ILDR1: variants seen among roughly 807,000 people sequenced by gnomAD.
ILDR1 encodes immunoglobulin like domain containing receptor 1, also known as immunoglobulin-like domain-containing receptor 1.
In ILDR1, 56 loss-of-function variants were observed where a neutral mutation model predicts 62.4. The ratio of observed to expected loss-of-function variants is 0.90; its 90% CI spans 0.72 to 1.12. The LOEUF (loss-of-function observed/expected upper bound fraction) is 1.12, where lower values mean the gene tolerates loss of function less well. Ranked by LOEUF, ILDR1 falls within the 50% of genes most tolerant of loss-of-function variation. ILDR1 has a pLI of 0.00. For synonymous variants in ILDR1, 284 were observed against 277.8 expected, an observed-to-expected ratio of 1.02 and a Z score of -0.22; for missense variants, 736 against 710.6, an observed-to-expected ratio of 1.04 and a Z score of -0.41.
the ILDR1 span, among the ~76,000 whole-genome samples, chr3:122,030,623 TTC>T: frequency 4.9e-4 from 72 of 147,234 alleles, no homozygotes; most frequent in Admixed American, 6.1e-4. Flanking sequence ...GCAAGGGTTT[TTC>T]TCTCTCTCTC....
chr3:122,001,286 C>G, intron 5 of ILDR1, 22 bp downstream of exon 5: 2 of 1,614,122 alleles, frequency 1.2e-6, no homozygotes, highest in Non-Finnish European at 1.7e-6. Context: ...CTCCATTCCA[C>G]TGCTTGTCTG....
At chr3:121,996,164 G>A (rs2071432840) in intron 5 of ILDR1, among the ~76,000 whole-genome samples, 2 of 152,158 alleles carry the variant, frequency 1.3e-5, no homozygotes, top group South Asian at 4.1e-4. Flanking sequence ...TCTTCCAGAT[G>A]GTCCTATTCC....
intron 1 of ILDR1, among the ~76,000 whole-genome samples, chr3:122,021,701 G>T (rs1349898287): frequency 6.6e-6 from 1 of 152,232 alleles, no homozygotes; most frequent in African/African-American, 2.4e-5. Flanking sequence ...GAATTTTAAA[G>T]AACGGTGCTT....
At chr3:122,029,511 A>AAAAAAATAT in the ILDR1 span, among the ~76,000 whole-genome samples, 35 of 139,500 alleles carry the variant, frequency 2.5e-4, no homozygotes, top group African/African-American at 9.6e-4. Context: ...GTCTAAAAAA[A>AAAAAAATAT]ATATATATAT....
chr3:122,011,509 T>C (rs1253201204), intron 1 of ILDR1, among the ~76,000 whole-genome samples: 1 of 152,176 alleles, frequency 6.6e-6, no homozygotes. Context: ...ATTTCATCCC[T>C]GTGTGAATAT....
In ILDR1 at chr3:122,022,209, G is replaced by C; in HGVS notation, c.-132C>G. The C allele has an allele frequency of 2.6e-6, 2 of 782,746 alleles. No homozygotes were observed. Among genetic ancestry groups the C allele is most frequent in the East Asian group, 3.0e-5 (1 of 33,886 alleles). The allele number at this position is 782,746 out of a possible 1,614,324, so 48.5% of individuals were successfully genotyped here. ...GTTTCCCCTCCCTCGGCGCAGCGGG[G>C]AGGGAGCGTCCGCTCTGGTCCCGGG... On this transcript the variant is annotated 5_prime_UTR_variant, in exon 1 of 8. Transcript: ENST00000344209.
chr3:122,040,499 G>T, the ILDR1 span, among the ~76,000 whole-genome samples: 1 of 151,726 alleles, frequency 6.6e-6, no homozygotes, highest in Non-Finnish European at 1.5e-5. Flanking sequence ...AAGAAAAACA[G>T]TAAACTTGGA....
the ILDR1 span, among the ~76,000 whole-genome samples, chr3:122,054,898 C>T: frequency 6.6e-6 from 1 of 151,986 alleles, no homozygotes; most frequent in Non-Finnish European, 1.5e-5. Context: ...TTCTGTCTGC[C>T]CTCCTTGGTT....
chr3:122,023,804 C>G (rs1276980713), upstream of ILDR1, among the ~76,000 whole-genome samples: 2 of 152,100 alleles, frequency 1.3e-5, no homozygotes, highest in East Asian at 3.9e-4. Flanking sequence ...GCAGCAGCAG[C>G]AGCAGCAGCA....
At chr3:122,037,603 T>A in the ILDR1 span, among the ~76,000 whole-genome samples, 125 of 152,342 alleles carry the variant, frequency 8.2e-4, 1 homozygote, top group Middle Eastern at 3.4e-3. Flanking sequence ...TACAGGCTCG[T>A]AGACAGAAAG....
chr3:122,020,289 T>A (rs1025229142), intron 1 of ILDR1, among the ~76,000 whole-genome samples: 4 of 152,268 alleles, frequency 2.6e-5, no homozygotes, highest in African/African-American at 9.6e-5. Context: ...AAAAGCTGTA[T>A]GAGATATGTA....
At chr3:122,022,709 G>C (rs1045635516), upstream of ILDR1, among the ~76,000 whole-genome samples, 9 of 152,162 alleles carry the variant, frequency 5.9e-5, no homozygotes, top group Non-Finnish European at 1.2e-4. Flanking sequence ...CCGAGGTCAG[G>C]AGTTCGAGAC....
At chr3:122,020,424 G>T (rs914778619) in intron 1 of ILDR1, among the ~76,000 whole-genome samples, 3 of 152,142 alleles carry the variant, frequency 2.0e-5, no homozygotes, top group African/African-American at 7.2e-5. Flanking sequence ...TCTACACATA[G>T]GAAAACTATC....
chr3:122,037,366 G>T, the ILDR1 span, among the ~76,000 whole-genome samples: 1 of 152,234 alleles, frequency 6.6e-6, no homozygotes, highest in Non-Finnish European at 1.5e-5. Context: ...GCCACCCAAG[G>T]CTGTGGGAGC....
At position 121,994,332 on chromosome 3, in the gene ILDR1, A is replaced by G; in HGVS notation, c.647-19T>C. The G allele has an allele frequency of 6.5e-7, 1 of 1,528,118 alleles. No individual in the cohort carries two copies. Among genetic ancestry groups the G allele is most frequent in the Non-Finnish European group, 8.8e-7 (1 of 1,141,236 alleles). The allele number at this position is 1,528,118 out of a possible 1,614,324, so 94.7% of individuals were successfully genotyped here. A position where few individuals can be genotyped will look rare whatever the true frequency, so the allele number is the denominator to read the frequency against. On this transcript the variant is annotated intron_variant, in intron 5 of 7. Transcript: ENST00000344209. ...GCCAGGGCTGCAGGGAAAGAAGGAG[A>G]AATGCAGGCCCTCAGCCAGGGCAAG...
intron 5 of ILDR1, among the ~76,000 whole-genome samples, chr3:121,994,590 C>T (rs976754218): frequency 4.5e-4 from 69 of 152,342 alleles, no homozygotes; most frequent in Non-Finnish European, 1.8e-4. Context: ...CATCATCTTG[C>T]CCATTCCTAA....
At chr3:122,037,552 C>T in the ILDR1 span, among the ~76,000 whole-genome samples, 1 of 152,154 alleles carries the variant, frequency 6.6e-6, no homozygotes, top group African/African-American at 2.4e-5. Context: ...AAGGCCTGTA[C>T]CCCTATTGTA....
chr3:122,056,466 C>G, the ILDR1 span, among the ~76,000 whole-genome samples: 1 of 152,278 alleles, frequency 6.6e-6, no homozygotes, highest in African/African-American at 2.4e-5. Flanking sequence ...TCCTGAGTAG[C>G]TGGGACTACA....
chr3:122,002,940 A>G (rs1345053826), intron 3 of ILDR1, among the ~76,000 whole-genome samples: 1 of 152,236 alleles, frequency 6.6e-6, no homozygotes, highest in Non-Finnish European at 1.5e-5. Context: ...TCCAGCATCT[A>G]CAAGGAATTT....
Sources: gnomAD v4.1 joint callset for allele counts (sites outside exome capture counted in the v4.1 genomes callset) on GRCh38, gnomAD v4.1.1 for gene constraint, MANE v1.5 for transcripts, NCBI Gene and HGNC (gene_info 2026-07-23, HGNC 2026-07-21) for gene names.